EXOC6B: variants seen among roughly 807,000 people sequenced by gnomAD.
The protein encoded by EXOC6B is SEC15 homolog B.
A neutral mutation model predicts 113.5 loss-of-function variants in EXOC6B; 54 were observed. That is an observed-to-expected ratio of 0.48 (90% CI 0.38 to 0.60). The LOEUF (loss-of-function observed/expected upper bound fraction) is 0.60, where lower values mean the gene tolerates loss of function less well. EXOC6B is among the 20% of genes least tolerant of loss of function. The pLI, the probability that EXOC6B is intolerant of heterozygous loss-of-function variation, is 0.00. For missense variants in EXOC6B, 797 were observed against 977.5 expected (o/e 0.82, Z 2.46); for synonymous variants, 357 against 339.0 (o/e 1.05, Z -0.58).
chr2:72,570,340 A>G (rs950605264), intron 7 of EXOC6B, among the ~76,000 whole-genome samples: 2 of 152,204 alleles, frequency 1.3e-5, no homozygotes, highest in Non-Finnish European at 2.9e-5. Flanking sequence ...TAAATCACCC[A>G]TTCTCCAGCA....
chr2:72,242,357 CAAGAGGGA>C (rs1372350956), intron 20 of EXOC6B, among the ~76,000 whole-genome samples: 1 of 151,966 alleles, frequency 6.6e-6, no homozygotes, highest in Non-Finnish European at 1.5e-5. Flanking sequence ...TTATAAGGGA[CAAGAGGGA>C]AGAATTGGAA....
chr2:72,279,861 C>T (rs564047873), intron 20 of EXOC6B, among the ~76,000 whole-genome samples: 4 of 151,850 alleles, frequency 2.6e-5, no homozygotes, highest in African/African-American at 4.8e-5. Context: ...AGGCTGGTCT[C>T]GAATTCGTGA....
At chr2:72,304,769 T>A (rs1573222652) in intron 20 of EXOC6B, among the ~76,000 whole-genome samples, 1 of 152,198 alleles carries the variant, frequency 6.6e-6, no homozygotes, top group East Asian at 1.9e-4. Flanking sequence ...GTTACCAATC[T>A]CCTTTACAAA....
At chr2:72,234,727 ATTAAAATGTGGGCAAAGGAC>A (rs1251557534) in intron 20 of EXOC6B, among the ~76,000 whole-genome samples, 1 of 152,194 alleles carries the variant, frequency 6.6e-6, no homozygotes, top group Non-Finnish European at 1.5e-5. Context: ...AAACAAGCCC[ATTAAAATGTGGGCAAAGGAC>A]ATGAACGACA....
chr2:72,425,993 G>T (rs186791053), intron 18 of EXOC6B, among the ~76,000 whole-genome samples: 1 of 152,022 alleles, frequency 6.6e-6, no homozygotes, highest in Admixed American at 6.6e-5. Context: ...TCTTTATTAC[G>T]TTTTCCTGGT....
intron 6 of EXOC6B, among the ~76,000 whole-genome samples, chr2:72,614,464 G>T (rs1671268305): frequency 6.6e-6 from 1 of 152,040 alleles, no homozygotes; most frequent in Admixed American, 6.6e-5. Flanking sequence ...ATTTAAATTG[G>T]ACTCAAGTAA....
chr2:72,367,791 G>C (rs765210445), intron 19 of EXOC6B, among the ~76,000 whole-genome samples: 12 of 152,122 alleles, frequency 7.9e-5, no homozygotes, highest in Non-Finnish European at 1.8e-4. Flanking sequence ...TGTCATAGTG[G>C]AGAAAAAATT....
At chr2:72,754,120 C>G (rs1042646565) in intron 1 of EXOC6B, among the ~76,000 whole-genome samples, 2 of 152,026 alleles carry the variant, frequency 1.3e-5, no homozygotes, top group African/African-American at 4.8e-5. Flanking sequence ...CTCCTGGGCT[C>G]AAGCAATCCT....
chr2:72,539,970 C>T (rs907920717), intron 8 of EXOC6B, among the ~76,000 whole-genome samples: 1 of 130,904 alleles, frequency 7.6e-6, no homozygotes, highest in Non-Finnish European at 1.6e-5. Context: ...ACAACAGTCC[C>T]CAGAGTGTGA....
At chr2:72,605,287 A>G (rs1558837346) in intron 6 of EXOC6B, among the ~76,000 whole-genome samples, 1 of 147,354 alleles carries the variant, frequency 6.8e-6, no homozygotes, top group Admixed American at 6.8e-5. Flanking sequence ...CTGTCTCCCA[A>G]AAAAAAAAAA....
chr2:72,401,559 A>T (rs182198930), intron 18 of EXOC6B, among the ~76,000 whole-genome samples: 1 of 35,470 alleles, frequency 2.8e-5, no homozygotes, highest in Non-Finnish European at 4.2e-5. Flanking sequence ...ATATATATAT[A>T]TATATACATA....
intron 6 of EXOC6B, among the ~76,000 whole-genome samples, chr2:72,669,414 C>T (rs140667330): frequency 7.7e-4 from 115 of 149,916 alleles, no homozygotes; most frequent in African/African-American, 2.6e-3. Flanking sequence ...TGGGGGATGG[C>T]GGTACCATTT....
intron 8 of EXOC6B, chr2:72,515,413 C>T: frequency 2.5e-6 from 3 of 1,186,730 alleles, no homozygotes; most frequent in East Asian, 9.0e-5. Context: ...GTCTCAAATT[C>T]ACAAGAATGC....
At chr2:72,705,676 C>G (rs1573656859) in intron 6 of EXOC6B, among the ~76,000 whole-genome samples, 1 of 152,046 alleles carries the variant, frequency 6.6e-6, no homozygotes, top group Non-Finnish European at 1.5e-5. Context: ...CTGTCCTAAT[C>G]TGATGATAAT....
intron 1 of EXOC6B, among the ~76,000 whole-genome samples, chr2:72,799,385 C>T (rs1486868729): frequency 6.6e-6 from 1 of 151,672 alleles, no homozygotes. Context: ...ACCTGGGCAA[C>T]ATAGCAAAAC....
At chr2:72,226,203 A>C (rs1315759154) in intron 20 of EXOC6B, among the ~76,000 whole-genome samples, 1 of 152,260 alleles carries the variant, frequency 6.6e-6, no homozygotes, top group Non-Finnish European at 1.5e-5. Flanking sequence ...GGTATCCTCA[A>C]CTGGGTCTTA....
intron 1 of EXOC6B, among the ~76,000 whole-genome samples, chr2:72,824,353 T>G (rs965296232): frequency 1.3e-4 from 20 of 152,196 alleles, no homozygotes; most frequent in Admixed American, 3.9e-4. Flanking sequence ...ATCACTGCAC[T>G]GCAGCCTAGG....
rs186461796 is a variant in EXOC6B, at chr2:72,376,915, G to A, written c.2122+2814C>T. Among the ~76,000 whole-genome samples, 190 of 150,364 alleles carry A rather than the reference G, an allele frequency of 1.3e-3. 5 individuals are homozygous for A. The East Asian group carries it at 0.034, about 27-fold the overall frequency. ...GTTAGAAGGCATTTTTTTTTTTATCGGCAGAGTCACTTTATCTTGTGAAAT... is the reference window on the plus strand; with the variant it reads ...GTTAGAAGGCATTTTTTTTTTTATCAGCAGAGTCACTTTATCTTGTGAAAT... On this transcript the variant is annotated intron_variant, in intron 19 of 21. Coordinates refer to ENST00000272427, the MANE Select transcript of EXOC6B (RefSeq NM_015189.3).
chr2:72,499,248 T>A (rs1352652016), intron 12 of EXOC6B, among the ~76,000 whole-genome samples: 2 of 150,566 alleles, frequency 1.3e-5, no homozygotes, highest in African/African-American at 2.5e-5. Flanking sequence ...TTTTTTTTTT[T>A]AAGACAGAGT....
Sources: gnomAD v4.1 joint callset for allele counts (sites outside exome capture counted in the v4.1 genomes callset) on GRCh38, gnomAD v4.1.1 for gene constraint, MANE v1.5 for transcripts, NCBI Gene and HGNC (gene_info 2026-07-23, HGNC 2026-07-21) for gene names.